Variants in MKNK2 observed in about 807,000 individuals in gnomAD.
The protein encoded by MKNK2 is MAP kinase-interacting serine/threonine-protein kinase 2.
In MKNK2, 54 loss-of-function variants were observed where a neutral mutation model predicts 55.0. The ratio of observed to expected loss-of-function variants is 0.98; its 90% CI spans 0.79 to 1.23. MKNK2 has a LOEUF of 1.23. MKNK2 is among the 50% of genes most tolerant of loss of function. MKNK2 has a pLI of 0.00. For missense variants in MKNK2, 685 were observed against 632.1 expected (o/e 1.08, Z -0.90); for synonymous variants, 323 against 256.0 (o/e 1.26, Z -2.50).
rs116957729 is a variant in MKNK2, at chr19:2,042,047, G to T, written c.751-13C>A. On this transcript the variant is annotated splice_polypyrimidine_tract_variant and intron_variant, in intron 10 of 13. Coordinates refer to ENST00000250896, the MANE Select transcript of MKNK2 (RefSeq NM_199054.3). ...CCGCCGAGCCGCACTGCGGGCGGGGGAGGGGCGCGTCAGCCGGGGTTTCCC... is the reference window on the plus strand; with the variant it reads ...CCGCCGAGCCGCACTGCGGGCGGGGTAGGGGCGCGTCAGCCGGGGTTTCCC... 0.016 allele frequency: 23,431 copies of T among 1,470,988 alleles called. 217 individuals are homozygous for T. The highest frequency in any genetic ancestry group is 0.02 in the Non-Finnish European group (21,739 of 1,109,790). 91.1% of individuals were successfully genotyped at this position (1,470,988 alleles called of 1,614,324 possible).
At chr19:2,040,062 T>C (rs56197957) in intron 13 of MKNK2, 72 bp downstream of exon 13, 364,617 of 1,502,076 alleles carry the variant, frequency 0.24, 46,256 homozygotes, top group African/African-American at 0.39. Context: ...TCTCCGGGTC[T>C]TTCACAAATG....
At chr19:2,042,342 G>A (rs2016906807) in intron 10 of MKNK2, 85 bp downstream of exon 10, 2 of 1,244,388 alleles carry the variant, frequency 1.6e-6, no homozygotes, top group African/African-American at 1.5e-5. Context: ...CCGCGGCCTG[G>A]AGCTGCTGGA....
rs1725669867 is a variant in MKNK2, at chr19:2,039,597, A to AG, written c.*15dup. ...TGGGGGACGGGTGACCTATGTACAGAGGGGAGATGGGAGGGTCAGGCGTGG... is the reference window on the plus strand; with the variant it reads ...TGGGGGACGGGTGACCTATGTACAGAGGGGGAGATGGGAGGGTCAGGCGTGG... On this transcript the variant is annotated 3_prime_UTR_variant, in exon 14 of 14. Transcript: ENST00000250896. The AG allele has an allele frequency of 1.2e-6, 2 of 1,604,952 alleles. No individual in the cohort carries two copies. The highest frequency in any genetic ancestry group is 1.7e-6 in the Non-Finnish European group (2 of 1,175,680).
chr19:2,037,860 A>G lies in MKNK2; in HGVS notation c.*1753T>C, dbSNP rs775534389. On this transcript the variant is annotated 3_prime_UTR_variant, in exon 14 of 14. Transcript: ENST00000250896. ...GAAAAAAAAAAAAAAACAAACAAACAAACGCTGCTAGCCACTCAGCTTTAG... is the reference window on the plus strand; with the variant it reads ...GAAAAAAAAAAAAAAACAAACAAACGAACGCTGCTAGCCACTCAGCTTTAG... 3 of 1,566,078 alleles carry G rather than the reference A, an allele frequency of 1.9e-6. No individual in the cohort carries two copies. Among genetic ancestry groups the G allele is most frequent in the Non-Finnish European group, 2.6e-6 (3 of 1,151,892 alleles).
intron 12 of MKNK2, chr19:2,040,696 A>G (rs746388077): frequency 8.5e-6 from 3 of 354,134 alleles, no homozygotes; most frequent in Admixed American, 8.9e-5. Flanking sequence ...GTGGAGGCAC[A>G]GCCTGGGCTT....
rs1289280453 is a variant in MKNK2 at position 2,041,822 on chromosome 19, G to A, written c.945+18C>T. ...GGAGGAGGGTGCCCAGGAGAGGAGG[G>A]TGCGCGGGCCGCCGCACCTGGCAGG... On this transcript the variant is annotated intron_variant, in intron 11 of 13. Coordinates refer to ENST00000250896, the MANE Select transcript of MKNK2 (RefSeq NM_199054.3). 1 of 1,499,156 alleles carries A rather than the reference G, an allele frequency of 6.7e-7. No individual in the cohort carries two copies. Among genetic ancestry groups the A allele is most frequent in the Non-Finnish European group, 8.9e-7 (1 of 1,124,564 alleles). The allele number at this position is 1,499,156 out of a possible 1,614,324, so 92.9% of individuals were successfully genotyped here.
chr19:2,041,797 GGAGGAGGGTGCCCAGGA>G, intron 11 of MKNK2, 26 bp downstream of exon 11: 4 of 1,458,206 alleles, frequency 2.7e-6, no homozygotes, highest in East Asian at 2.6e-5. Flanking sequence ...CAGGCCCGGG[GGAGGAGGGTGCCCAGGA>G]GAGGAGGGTG....
At chr19:2,049,310 G>A (rs771682387) in intron 2 of MKNK2, among the ~76,000 whole-genome samples, 12 of 152,238 alleles carry the variant, frequency 7.9e-5, no homozygotes, top group Non-Finnish European at 7.3e-5. Flanking sequence ...GCCTGCTGGA[G>A]GCAAGGAGAG....
Position 2,038,806 on chromosome 19 carries a change from G to T in MKNK2, c.*807C>A. ...CCCTCTGCCTGCTGCGGTGGAAACG[G>T]CTTCGGGCCAGGCGGGGCTCCTGCT... On this transcript the variant is annotated 3_prime_UTR_variant, in exon 14 of 14. Coordinates refer to ENST00000250896, the MANE Select transcript of MKNK2 (RefSeq NM_199054.3). 1 of 985,718 alleles carries T rather than the reference G, an allele frequency of 1.0e-6. No individual in the cohort carries two copies. The highest frequency in any genetic ancestry group is 1.2e-6 in the Non-Finnish European group (1 of 829,970). 61.1% of individuals were successfully genotyped at this position (985,718 alleles called of 1,614,324 possible). A position where few individuals can be genotyped will look rare whatever the true frequency, so the allele number is the denominator to read the frequency against.
chr19:2,047,526 C>G (rs2017025771), intron 2 of MKNK2, among the ~76,000 whole-genome samples: 1 of 152,200 alleles, frequency 6.6e-6, no homozygotes, highest in Non-Finnish European at 1.5e-5. Context: ...TGCTTGTCCA[C>G]AGAATGGGGA....
intron 10 of MKNK2, 107 bp from the exon 11 acceptor site, chr19:2,042,141 GC>G: frequency 1.8e-6 from 2 of 1,130,456 alleles, no homozygotes; most frequent in Non-Finnish European, 2.4e-6. Flanking sequence ...ACCCCGCCCC[GC>G]CGGGCCCGAC....
chr19:2,042,083 G>A (rs1052682366), intron 10 of MKNK2, 49 bp from the exon 11 acceptor site: 4 of 1,421,432 alleles, frequency 2.8e-6, no homozygotes, highest in Non-Finnish European at 3.7e-6. Context: ...AGCATTACGT[G>A]GGAACCGAGC....
At chr19:2,049,745 C>T (rs1206304325) in intron 2 of MKNK2, among the ~76,000 whole-genome samples, 3 of 152,194 alleles carry the variant, frequency 2.0e-5, no homozygotes, top group Non-Finnish European at 2.9e-5. Flanking sequence ...GCCCCTGACA[C>T]TCTGATGGTG....
chr19:2,041,993 G>C lies in MKNK2; in HGVS notation c.792C>G (p.Ala264=), dbSNP rs539177407. The C allele has an allele frequency of 6.4e-7, 1 of 1,556,072 alleles. No homozygotes were observed. Among genetic ancestry groups the C allele is most frequent in the Non-Finnish European group, 8.7e-7 (1 of 1,151,436 alleles). ...AEYMAPEVVE[A]FSEEASIYDK... ...CGTAGATGCTAGCCTCCTCGCTGAA[G>C]GCCTCCACTACCTCCGGGGCCATGT... Residue 264 remains alanine (A), a synonymous_variant, in exon 11 of 14, where the codon GCC becomes GCG. Coordinates refer to ENST00000250896, the MANE Select transcript of MKNK2 (RefSeq NM_199054.3).
intron 5 of MKNK2, among the ~76,000 whole-genome samples, chr19:2,044,066 A>G (rs753559735): frequency 4.7e-4 from 71 of 149,654 alleles, no homozygotes; most frequent in Non-Finnish European, 9.3e-4. Flanking sequence ...TTTGAGACCT[A>G]TGACTTCTGC....
Position 2,039,732 on chromosome 19 carries a change from C to G in MKNK2, c.1279G>C (p.Val427Leu), listed in dbSNP as rs1243356274. 6.2e-7 allele frequency: 1 copy of G among 1,611,118 alleles called. No homozygotes were observed. Among genetic ancestry groups the G allele is most frequent in the African/African-American group, 1.3e-5 (1 of 75,074 alleles). ...EAAGQGQPVL[V>L]RATSRCLQLS... ...TGCAGGCAGCGTGAGGTAGCTCGGA[C>G]CAGGACGGGCTGGCCCTGCCCCGCG... Residue 427 changes from valine (V) to leucine (L), a missense_variant, in exon 14 of 14, where the codon GTC (valine) becomes CTC (leucine). Val to Leu is a conservative substitution (Grantham distance 32). Coordinates refer to ENST00000250896, the MANE Select transcript of MKNK2 (RefSeq NM_199054.3).
intron 13 of MKNK2, 56 bp from the exon 14 acceptor site, chr19:2,039,912 T>TGA: frequency 6.4e-7 from 1 of 1,550,530 alleles, no homozygotes; most frequent in Non-Finnish European, 8.7e-7. Context: ...AGGGGACCCC[T>TGA]GGGGTCTGTG....
chr19:2,043,430 G>C (rs563304139), intron 6 of MKNK2, 73 bp downstream of exon 6: 1 of 1,393,448 alleles, frequency 7.2e-7, no homozygotes, highest in African/African-American at 1.4e-5. Context: ...TGCTGGGGGT[G>C]ATGTGGCACT....
intron 4 of MKNK2, 26 bp downstream of exon 4, chr19:2,046,341 C>T (rs772336755): frequency 1.2e-6 from 2 of 1,604,858 alleles, no homozygotes; most frequent in South Asian, 2.2e-5. Context: ...CTCCCGGCTC[C>T]CCCAATGCCC....
Sources: gnomAD v4.1 joint callset for allele counts (sites outside exome capture counted in the v4.1 genomes callset) on GRCh38, gnomAD v4.1.1 for gene constraint, MANE v1.5 for transcripts, NCBI Gene and HGNC (gene_info 2026-07-23, HGNC 2026-07-21) for gene names.